ARHGEF16: variants seen among roughly 807,000 people sequenced by gnomAD.
The protein encoded by ARHGEF16 is Rho guanine nucleotide exchange factor 16, also known as Rho guanine exchange factor (GEF) 16.
A neutral mutation model predicts 74.1 loss-of-function variants in ARHGEF16; 59 were observed. The observed-to-expected ratio is 0.80, with a 90% CI of 0.65 to 0.99. ARHGEF16 has a LOEUF of 0.99. Among genes scored for constraint, ARHGEF16 ranks in the 50% least tolerant of loss-of-function variants. The pLI is 0.00. For synonymous variants in ARHGEF16, 415 were observed against 412.6 expected (o/e 1.01, Z -0.07); for missense variants, 948 against 986.6 (o/e 0.96, Z 0.52).
At chr1:3,458,545 C>T (rs1463490890) in intron 1 of ARHGEF16, among the ~76,000 whole-genome samples, 1 of 152,218 alleles carries the variant, frequency 6.6e-6, no homozygotes, top group Non-Finnish European at 1.5e-5. Flanking sequence ...ATGGACCTGG[C>T]ATGGGGCTGG....
chr1:3,471,893 G>A (rs1483337524), intron 6 of ARHGEF16: 4 of 959,540 alleles, frequency 4.2e-6, no homozygotes, highest in South Asian at 3.9e-5. Flanking sequence ...TACGCATGTC[G>A]TGGCCCTGCT....
chr1:3,460,614 G>A (rs920662614), intron 1 of ARHGEF16, among the ~76,000 whole-genome samples: 7 of 152,314 alleles, frequency 4.6e-5, no homozygotes, highest in South Asian at 2.1e-4. Flanking sequence ...TCTGCTTGGC[G>A]TGTAGACAGA....
At chr1:3,456,290 G>GT (rs1343670973) in intron 1 of ARHGEF16, among the ~76,000 whole-genome samples, 2 of 152,256 alleles carry the variant, frequency 1.3e-5, no homozygotes, top group Non-Finnish European at 2.9e-5. Context: ...CAGCTCACAT[G>GT]TGACGCGCAG....
At chr1:3,469,381 G>A in intron 5 of ARHGEF16, 52 bp from the exon 6 acceptor site, 4 of 1,600,042 alleles carry the variant, frequency 2.5e-6, no homozygotes, top group Non-Finnish European at 3.4e-6. Flanking sequence ...GGTCACCGAG[G>A]CACGCCCGTG....
In ARHGEF16 at chr1:3,478,520, C is replaced by T; in HGVS notation, c.1722C>T (p.Asn574=). ...AGCTCCCTCTGCCCGGGGGCGGCAA[C>T]CGTAGCTCCTCCGTGCCCCACCCCT... ...PSELPLPGGG[N]RSSSVPHPFQ... is the part of the protein sequence containing the mutation. The change falls in exon 12 of 15, where the codon AAC becomes AAT. Residue 574 remains asparagine (N), a synonymous_variant. Transcript: ENST00000378378. The T allele has an allele frequency of 1.2e-6, 2 of 1,612,674 alleles. No individual in the cohort carries two copies. Among genetic ancestry groups the T allele is most frequent in the Non-Finnish European group, 1.7e-6 (2 of 1,179,864 alleles).
chr1:3,468,475 C>T (rs542578412), intron 4 of ARHGEF16: 1 of 224,950 alleles, frequency 4.4e-6, no homozygotes, highest in African/African-American at 2.3e-5. Context: ...CCAGGCAGGG[C>T]ACTGACTCGC....
chr1:3,461,840 G>A (rs1336521858), intron 1 of ARHGEF16, among the ~76,000 whole-genome samples: 2 of 152,224 alleles, frequency 1.3e-5, no homozygotes, highest in African/African-American at 4.8e-5. Context: ...TGGCAGCCAG[G>A]GAAGACGCAG....
At position 3,467,311 on chromosome 1, in the gene ARHGEF16, C is replaced by G. The variant is rs1294444953; in HGVS notation, c.778C>G (p.Gln260Glu). ...TIVVKSYRPA[Q>E]VTWSQLPEVV... ...TGTGGTCAAGAGCTACCGGCCCGCC[C>G]AGGTCACCTGGAGCCAGCTCCCAGA... is the stretch of plus-strand genomic sequence containing the variant. The change falls in exon 4 of 15, where the codon CAG (glutamine) becomes GAG (glutamate). Residue 260 changes from glutamine (Q) to glutamate (E), a missense_variant. By Grantham distance (29) the Gln-to-Glu change is conservative. Coordinates refer to ENST00000378378, the MANE Select transcript of ARHGEF16 (RefSeq NM_014448.4). The G allele has an allele frequency of 1.5e-5, 24 of 1,549,828 alleles. No homozygotes were observed. Among genetic ancestry groups the G allele is most frequent in the Non-Finnish European group, 2.1e-5 (24 of 1,146,686 alleles).
Position 3,467,293 on chromosome 1 carries a change from A to G in ARHGEF16, c.760A>G (p.Lys254Glu), listed in dbSNP as rs1639573989. ...TQKVDATIVV[K>E]SYRPAQVTWS... ...GAAGGTGGACGCCACCATTGTGGTC[A>G]AGAGCTACCGGCCCGCCCAGGTCAC... The change falls in exon 4 of 15, where the codon AAG becomes GAG. Residue 254 changes from lysine (K) to glutamate (E), a missense_variant. Physicochemically the swap from Lys to Glu is moderately conservative, Grantham distance 56. Coordinates refer to ENST00000378378, the MANE Select transcript of ARHGEF16 (RefSeq NM_014448.4). The G allele has an allele frequency of 3.9e-6, 6 of 1,550,264 alleles. No individual in the cohort carries two copies. Among genetic ancestry groups the G allele is most frequent in the Non-Finnish European group, 5.2e-6 (6 of 1,146,830 alleles).
At chr1:3,479,646 C>T (rs1383681420) in intron 13 of ARHGEF16, 56 bp downstream of exon 13, 2 of 1,589,032 alleles carry the variant, frequency 1.3e-6, no homozygotes, top group South Asian at 2.3e-5. Flanking sequence ...GGCACTTTGG[C>T]CCCCACTGTA....
Position 3,463,686 on chromosome 1 carries a change from C to A in ARHGEF16, c.588+14C>A. ...GCCAAAAACAAGGTAGGGGCCTGCT[C>A]GTGTGGACCGTGGGGAGGGGGCTGC... On this transcript the variant is annotated intron_variant, in intron 2 of 14. Coordinates refer to ENST00000378378, the MANE Select transcript of ARHGEF16 (RefSeq NM_014448.4). 7.2e-7 allele frequency: 1 copy of A among 1,392,036 alleles called. No homozygotes were observed. The highest frequency in any genetic ancestry group is 2.0e-5 in the South Asian group (1 of 51,276). 86.2% of individuals were successfully genotyped at this position (1,392,036 alleles called of 1,614,324 possible). A position where few individuals can be genotyped will look rare whatever the true frequency, so the allele number is the denominator to read the frequency against.
rs547935790 is a variant in ARHGEF16, at chr1:3,457,783, C to G, written c.-20+2972C>G. The stretch of plus-strand genomic sequence containing the variant: ...CCAGAGACCATGGATTCCGCCTGCT[C>G]GCCTCTGCTGCACGCCTCCTCCTGG... On this transcript the variant is annotated intron_variant, in intron 1 of 14. Transcript: ENST00000378378. Among the ~76,000 whole-genome samples, 42 of 152,312 alleles carry G rather than the reference C, an allele frequency of 2.8e-4. 1 individual carries two copies. The highest frequency in any genetic ancestry group is 2.3e-3 in the Admixed American group (35 of 15,302).
rs1393678138 is a variant in ARHGEF16, at chr1:3,473,104, A to C, written c.1049A>C (p.His350Pro). 1 of 1,613,286 alleles carries C rather than the reference A, an allele frequency of 6.2e-7. No individual in the cohort carries two copies. Among genetic ancestry groups the C allele is most frequent in the Non-Finnish European group, 8.5e-7 (1 of 1,179,928 alleles). ...QRFFEDLEQR[H>P]KAQVLVEDIS... ...TTCTTCGAGGACCTGGAGCAGCGGC[A>C]CAAGGCCCAGGTGCTGGTCGAGGAC... Residue 350 changes from histidine (H) to proline (P), a missense_variant, in exon 7 of 15, where the codon CAC (histidine) becomes CCC (proline). His to Pro is a moderately conservative substitution (Grantham distance 77). Transcript: ENST00000378378.
chr1:3,463,039 G>C (rs1476692435), intron 1 of ARHGEF16, 27 bp from the exon 2 acceptor site: 2 of 1,420,210 alleles, frequency 1.4e-6, no homozygotes, highest in Non-Finnish European at 1.9e-6. Flanking sequence ...GCAGCCTCAC[G>C]AGACCTCACT....
chr1:3,462,008 C>T (rs1179029069), intron 1 of ARHGEF16, among the ~76,000 whole-genome samples: 2 of 151,760 alleles, frequency 1.3e-5, no homozygotes, highest in Non-Finnish European at 2.9e-5. Context: ...GTGTCAGGGG[C>T]AGGGTGCCAG....
Position 3,478,489 on chromosome 1 carries a change from C to T in ARHGEF16, c.1691C>T (p.Pro564Leu), listed in dbSNP as rs770395002. 1.9e-5 allele frequency: 31 copies of T among 1,612,472 alleles called. No homozygotes were observed. Among genetic ancestry groups the T allele is most frequent in the Admixed American group, 3.3e-5 (2 of 60,000 alleles). Residue 564 changes from proline (P) to leucine (L), a missense_variant, in exon 12 of 15, where the codon CCG becomes CTG. Transcript: ENST00000378378. Reference sequence around the variant, plus strand: ...CACATCCAGGTGGAGAAGATAGAGCCGTCTGAGCTCCCTCTGCCCGGGGGC... The same window carrying T: ...CACATCCAGGTGGAGAAGATAGAGCTGTCTGAGCTCCCTCTGCCCGGGGGC... The part of the protein sequence containing the change: ...MNHIQVEKIE[P>L]SELPLPGGGN...
At chr1:3,468,246 G>C (rs1639603268) in intron 4 of ARHGEF16, among the ~76,000 whole-genome samples, 1 of 152,206 alleles carries the variant, frequency 6.6e-6, no homozygotes, top group Non-Finnish European at 1.5e-5. Flanking sequence ...ACTCACCCTT[G>C]GCCCAGGCGC....
At position 3,454,784 on chromosome 1, in the gene ARHGEF16, C is replaced by G. The variant is rs1291681685; in HGVS notation, c.-47C>G. On this transcript the variant is annotated 5_prime_UTR_variant, in exon 1 of 15. Coordinates refer to ENST00000378378, the MANE Select transcript of ARHGEF16 (RefSeq NM_014448.4). ...GGAAGCTGCACCGCCAGCGCGCCGC[C>G]CCTCCGTCCCTCCGCCCCGCGGCGC... 1.3e-5 allele frequency: 2 copies of G among 152,492 alleles called. No homozygotes were observed. Among genetic ancestry groups the G allele is most frequent in the Non-Finnish European group, 2.9e-5 (2 of 68,296 alleles). The allele number at this position is 152,492 out of a possible 1,614,324, so 9.4% of individuals were successfully genotyped here.
intron 1 of ARHGEF16, among the ~76,000 whole-genome samples, chr1:3,461,356 C>T (rs1639388611): frequency 6.6e-6 from 1 of 152,246 alleles, no homozygotes; most frequent in African/African-American, 2.4e-5. Flanking sequence ...GCTTTGCACG[C>T]TTTACACTTC....
Sources: allele counts gnomAD v4.1 joint callset (sites outside exome capture counted in the v4.1 genomes callset), GRCh38; gene constraint gnomAD v4.1.1; transcripts MANE v1.5; gene names NCBI Gene and HGNC (gene_info 2026-07-23, HGNC 2026-07-21).